The following WBP2NL variants were observed in gnomAD, a reference collection of about 807,000 sequenced individuals.
WBP2NL encodes the protein WBP2 N-terminal like.
Under a neutral mutation model 23.3 loss-of-function variants are expected in WBP2NL, and 27 were observed. That is an observed-to-expected ratio of 1.16 (90% CI 0.85 to 1.60). The LOEUF (loss-of-function observed/expected upper bound fraction) is 1.60. Among genes scored for constraint, WBP2NL ranks in the 40% most tolerant of loss-of-function variants. The probability of loss-of-function intolerance (pLI) is 0.00; values close to 1 mark genes in which losing one functional copy is unlikely to be tolerated. For missense variants in WBP2NL, 370 were observed against 389.5 expected (o/e 0.95, Z 0.42); for synonymous variants, 151 against 145.9 (o/e 1.03, Z -0.25).
intron 1 of WBP2NL, among the ~76,000 whole-genome samples, chr22:42,007,603 T>A (rs1221532415): frequency 6.6e-6 from 1 of 152,186 alleles, no homozygotes; most frequent in Non-Finnish European, 1.5e-5. Context: ...CTACTTTCTG[T>A]TTCTATGAAT....
chr22:42,020,868 GTATATATATATATATATATATA>G (rs1335645142), intron 4 of WBP2NL, among the ~76,000 whole-genome samples: 8 of 15,238 alleles, frequency 5.3e-4, no homozygotes, highest in Admixed American at 1.4e-3. Context: ...GTGTGTGTGT[GTATATATATATATATATATATA>G]TATATATATA....
chr22:42,014,957 G>A (rs760625959), intron 1 of WBP2NL, among the ~76,000 whole-genome samples: 2 of 152,174 alleles, frequency 1.3e-5, no homozygotes, highest in Non-Finnish European at 2.9e-5. Flanking sequence ...TAAATCCAAT[G>A]TATGGGCTTC....
chr22:42,039,217 G>A (rs9611724), intron 8 of WBP2NL, among the ~76,000 whole-genome samples: 12 of 151,708 alleles, frequency 7.9e-5, no homozygotes, highest in South Asian at 4.2e-4. Context: ...GATTACAGGC[G>A]CCCACCACCA....
At chr22:42,023,246 A>G (rs1391958693) in intron 5 of WBP2NL, among the ~76,000 whole-genome samples, 2 of 150,026 alleles carry the variant, frequency 1.3e-5, no homozygotes, top group Admixed American at 6.6e-5. Context: ...GTGCAGTGGC[A>G]CTATCATGGC....
Position 42,028,271 on chromosome 22 carries a change from C to T in WBP2NL, c.*1090C>T, listed in dbSNP as rs1924683214. 2.5e-6 allele frequency: 1 copy of T among 393,888 alleles called. No individual in the cohort carries two copies. The highest frequency in any genetic ancestry group is 4.5e-6 in the Non-Finnish European group (1 of 223,772). 24.4% of individuals were successfully genotyped at this position (393,888 alleles called of 1,614,324 possible). A position where few individuals can be genotyped will look rare whatever the true frequency, so the allele number is the denominator to read the frequency against. ...AGCATATACTATAGTGATTTTCAGC[C>T]TCATCAGACTGAATGCCCCATTTTA... On this transcript the variant is annotated 3_prime_UTR_variant, in exon 6 of 6. Coordinates refer to ENST00000328823, the MANE Select transcript of WBP2NL (RefSeq NM_152613.3).
In WBP2NL at chr22:42,028,353, T is replaced by C. The variant is rs548926457; in HGVS notation, c.*1172T>C. ...TATATTTGTATATTTATAACAAATA[T>C]TTTGTAATGTCTCCTTCACTTCAAT... On this transcript the variant is annotated 3_prime_UTR_variant, in exon 6 of 6. Transcript: ENST00000328823. The C allele has an allele frequency of 2.0e-5, 6 of 296,722 alleles. No individual in the cohort carries two copies. The highest frequency in any genetic ancestry group is 3.0e-5 in the Non-Finnish European group (5 of 164,360). The allele number at this position is 296,722 out of a possible 1,614,324, so 18.4% of individuals were successfully genotyped here.
intron 8 of WBP2NL, among the ~76,000 whole-genome samples, chr22:42,048,828 G>A (rs1246871055): frequency 6.6e-6 from 1 of 151,528 alleles, no homozygotes; most frequent in African/African-American, 2.4e-5. Flanking sequence ...TCCTCAGCTT[G>A]ATAAAAAACA....
At chr22:42,009,629 T>G (rs1377500233) in intron 1 of WBP2NL, among the ~76,000 whole-genome samples, 1 of 152,252 alleles carries the variant, frequency 6.6e-6, no homozygotes, top group African/African-American at 2.4e-5. Context: ...TGATCAATTC[T>G]CACATATATG....
chr22:42,043,918 G>T (rs1416193053), intron 8 of WBP2NL, among the ~76,000 whole-genome samples: 1 of 152,096 alleles, frequency 6.6e-6, no homozygotes, highest in African/African-American at 2.4e-5. Context: ...GTATAGACAG[G>T]GTTTCATCAT....
At chr22:42,019,844 A>G (rs1923717505) in intron 3 of WBP2NL, 41 bp downstream of exon 3, 1 of 1,608,300 alleles carries the variant, frequency 6.2e-7, no homozygotes, top group African/African-American at 1.3e-5. Flanking sequence ...TTTTCCCTCA[A>G]AATCTTCTAA....
chr22:42,024,118 A>G (rs546960447), intron 5 of WBP2NL, among the ~76,000 whole-genome samples: 3 of 152,172 alleles, frequency 2.0e-5, no homozygotes, highest in Admixed American at 6.5e-5. Context: ...GGCTTATCTC[A>G]CTCAAGATAA....
chr22:42,017,046 C>T (rs1014334859), intron 1 of WBP2NL, among the ~76,000 whole-genome samples: 6 of 152,220 alleles, frequency 3.9e-5, no homozygotes, highest in Non-Finnish European at 1.5e-5. Context: ...CATATCTGCT[C>T]CTGCACCTCC....
At chr22:42,001,241 G>A (rs1602433860) in intron 1 of WBP2NL, 1 of 695,886 alleles carries the variant, frequency 1.4e-6, no homozygotes, top group East Asian at 2.5e-5. Context: ...TTTGCATCCT[G>A]ACTGCATCAT....
At chr22:42,007,066 T>G (rs1569446171) in intron 1 of WBP2NL, among the ~76,000 whole-genome samples, 1 of 152,254 alleles carries the variant, frequency 6.6e-6, no homozygotes, top group Non-Finnish European at 1.5e-5. Context: ...TAAACAGTTT[T>G]TTTCTCCAAC....
chr22:42,029,540 T>A (rs1924797764), downstream of WBP2NL, among the ~76,000 whole-genome samples: 2 of 152,008 alleles, frequency 1.3e-5, no homozygotes, highest in African/African-American at 4.8e-5. Context: ...CCCAGCTAAT[T>A]TTTTTTATTT....
downstream of WBP2NL, among the ~76,000 whole-genome samples, chr22:42,035,092 A>G (rs1925130984): frequency 6.6e-6 from 1 of 152,290 alleles, no homozygotes; most frequent in East Asian, 1.9e-4. Context: ...GGAAGTGATA[A>G]GTGTCCATTA....
At chr22:42,006,221 C>CTT (rs58669161) in intron 1 of WBP2NL, among the ~76,000 whole-genome samples, 14 of 139,524 alleles carry the variant, frequency 1.0e-4, no homozygotes, top group Non-Finnish European at 1.4e-4. Context: ...GTTTCCCAAT[C>CTT]TTTTTTTTTT....
At position 42,023,738 on chromosome 22, in the gene WBP2NL, G is replaced by A. The variant is rs1460558398; in HGVS notation, c.514+1382G>A. Among the ~76,000 whole-genome samples the A allele has an allele frequency of 5.3e-5, 8 of 151,744 alleles. No individual in the cohort carries two copies. In the East Asian group the frequency reaches 1.2e-3, roughly 22 times the overall value. ...TCTCGATCTCCTGACCTTGTGATCC[G>A]CCCGCCTCAGCCTCCCAAAGTGCTG... On this transcript the variant is annotated intron_variant, in intron 5 of 5. Transcript: ENST00000328823.
At chr22:42,020,177 T>C (rs964100580) in intron 4 of WBP2NL, 81 bp downstream of exon 4, 27 of 1,344,706 alleles carry the variant, frequency 2.0e-5, no homozygotes, top group South Asian at 5.2e-5. Flanking sequence ...GTTGTTGCTG[T>C]TGTTGTTGTT....
Sources: allele counts gnomAD v4.1 joint callset (sites outside exome capture counted in the v4.1 genomes callset), GRCh38; gene constraint gnomAD v4.1.1; transcripts MANE v1.5; gene names NCBI Gene and HGNC (gene_info 2026-07-23, HGNC 2026-07-21).